ZNF107: variants seen among roughly 807,000 people sequenced by gnomAD.
The protein encoded by ZNF107 is zinc finger protein 107.
A neutral mutation model predicts 12.3 loss-of-function variants in ZNF107; 19 were observed. The ratio of observed to expected loss-of-function variants is 1.55; its 90% CI spans 1.08 to 2.27. ZNF107 has a LOEUF of 2.27. ZNF107 is among the 30% of genes most tolerant of loss of function. The pLI, the probability that ZNF107 is intolerant of heterozygous loss-of-function variation, is 0.00. For missense variants in ZNF107, 958 were observed against 979.9 expected, an observed-to-expected ratio of 0.98 and a Z score of 0.30; for synonymous variants, 317 against 330.5, an observed-to-expected ratio of 0.96 and a Z score of 0.44.
chr7:64,708,881 A>C lies in ZNF107; in HGVS notation c.*225A>C. 1 of 603,996 alleles carries C rather than the reference A, an allele frequency of 1.7e-6. No individual in the cohort carries two copies. The allele number at this position is 603,996 out of a possible 1,614,324, so 37.4% of individuals were successfully genotyped here. On this transcript the variant is annotated 3_prime_UTR_variant, in exon 4 of 4. Coordinates refer to ENST00000620827, the MANE Select transcript of ZNF107 (RefSeq NM_001282359.2). ...ATTCGTACTGGAGAGAATCCTACAA[A>C]TGTGAAAAATGTGGCAAATCCTTTA...
chr7:64,708,249 T>C lies in ZNF107; in HGVS notation c.2152T>C (p.Ser718Pro). The C allele has an allele frequency of 1.2e-6, 2 of 1,613,670 alleles. No individual in the cohort carries two copies. The highest frequency in any genetic ancestry group is 1.7e-5 in the Admixed American group (1 of 59,984). The change falls in exon 4 of 4, where the codon TCA (serine) becomes CCA (proline). Residue 718 changes from serine (S) to proline (P), a missense_variant. Ser to Pro is a moderately conservative substitution (Grantham distance 74, BLOSUM62 -1). Coordinates refer to ENST00000620827, the MANE Select transcript of ZNF107 (RefSeq NM_001282359.2). ...ATGTGGCAAAGCCTTTAACTGCTCC[T>C]CAACCCTTAATAGACATAAGATAAT... is the stretch of plus-strand genomic sequence containing the variant. ...AECGKAFNCS[S>P]TLNRHKIIHT...
intron 1 of ZNF107, among the ~76,000 whole-genome samples, chr7:64,675,755 C>T (rs1360686628): frequency 2.6e-5 from 4 of 152,172 alleles, no homozygotes; most frequent in Non-Finnish European, 5.9e-5. Context: ...TCCCTCTTAA[C>T]ACTGTGTCAG....
At chr7:64,681,834 A>G (rs541853671) in intron 1 of ZNF107, among the ~76,000 whole-genome samples, 2 of 152,132 alleles carry the variant, frequency 1.3e-5, no homozygotes, top group Non-Finnish European at 1.5e-5. Flanking sequence ...CATCCATTCT[A>G]TAGTGCCAAA....
At chr7:64,693,955 A>G (rs1446730161) in intron 3 of ZNF107, among the ~76,000 whole-genome samples, 2 of 151,976 alleles carry the variant, frequency 1.3e-5, no homozygotes, top group African/African-American at 4.8e-5. Context: ...CGCCTGGCTA[A>G]TTTTATATTT....
intron 1 of ZNF107, 134 bp downstream of exon 1, chr7:64,666,419 C>A: frequency 8.2e-7 from 1 of 1,218,260 alleles, no homozygotes; most frequent in Non-Finnish European, 1.1e-6. Context: ...GGCCCTCAGT[C>A]CCCCGCGGCC....
In ZNF107 at chr7:64,710,878, T is replaced by A. The variant is rs1246495369; in HGVS notation, c.*2222T>A. 6.6e-6 allele frequency: 1 copy of A among 152,132 alleles called. No homozygotes were observed. Among genetic ancestry groups the A allele is most frequent in the Admixed American group, 6.5e-5 (1 of 15,276 alleles). The allele number at this position is 152,132 out of a possible 1,614,324, so 9.4% of individuals were successfully genotyped here. On this transcript the variant is annotated 3_prime_UTR_variant, in exon 4 of 4. Transcript: ENST00000620827. Reference sequence around the variant, plus strand: ...TTTGTGTTTAACTTATAATATTGAGTGATCCATGAAGTAGGTTTTCAGAGC... The same window carrying A: ...TTTGTGTTTAACTTATAATATTGAGAGATCCATGAAGTAGGTTTTCAGAGC...
chr7:64,697,713 C>T lies in ZNF107; in HGVS notation c.226+5753C>T, dbSNP rs187323242. On this transcript the variant is annotated intron_variant, in intron 3 of 3. Transcript: ENST00000620827. The stretch of plus-strand genomic sequence containing the variant: ...TAGCATTTTTTTTTTTTTTTTGAGA[C>T]GGAGTCTCGCTTTGTCACCCAGGCT... 2.7e-3 allele frequency among the ~76,000 whole-genome samples: 381 copies of T among 142,826 alleles called. 3 individuals are homozygous for T. Among genetic ancestry groups the T allele is most frequent in the Middle Eastern group, 3.8e-3 (1 of 260 alleles). The allele number at this position is 142,826 out of a possible 152,430, so 93.7% of individuals were successfully genotyped here. A position where few individuals can be genotyped will look rare whatever the true frequency, so the allele number is the denominator to read the frequency against.
chr7:64,683,601 A>G (rs965496326), intron 1 of ZNF107, among the ~76,000 whole-genome samples: 2 of 152,124 alleles, frequency 1.3e-5, no homozygotes, highest in Non-Finnish European at 2.9e-5. Flanking sequence ...CACAAGCGCA[A>G]TCTATTCTCT....
In ZNF107 at chr7:64,707,382, G is replaced by T. The variant is rs1268717646; in HGVS notation, c.1285G>T (p.Glu429Ter). 6.2e-7 allele frequency: 1 copy of T among 1,613,370 alleles called. No homozygotes were observed. Among genetic ancestry groups the T allele is most frequent in the South Asian group, 1.1e-5 (1 of 91,058 alleles). Residue 429 changes from glutamate (E) to a stop codon, truncating the protein, a stop_gained, in exon 4 of 4, where the codon GAA becomes TAA. Coordinates refer to ENST00000620827, the MANE Select transcript of ZNF107 (RefSeq NM_001282359.2). LOFTEE classifies it low-confidence loss of function (END_TRUNC). ...TGGAGAGAAACCCTACAAATGTAAA[G>T]AATGTGGCAAAGCTTTTAACCAATC... is the stretch of plus-strand genomic sequence containing the variant. ...HTGEKPYKCK[E>*]CGKAFNQSSN...
chr7:64,703,240 A>G (rs1790533836), intron 3 of ZNF107, among the ~76,000 whole-genome samples: 2 of 152,244 alleles, frequency 1.3e-5, no homozygotes, highest in South Asian at 2.1e-4. Context: ...AGCAAAATCA[A>G]CTATGAATTA....
At chr7:64,679,362 A>G in intron 1 of ZNF107, 1 of 984,832 alleles carries the variant, frequency 1.0e-6, no homozygotes, top group Non-Finnish European at 1.2e-6. Context: ...CCTTTCTCAA[A>G]CTTTCCTTTT....
At chr7:64,674,555 G>A (rs553266171) in intron 1 of ZNF107, among the ~76,000 whole-genome samples, 1 of 152,296 alleles carries the variant, frequency 6.6e-6, no homozygotes, top group East Asian at 1.9e-4. Flanking sequence ...AACAGGGATA[G>A]TTTGACTTGT....
At position 64,706,432 on chromosome 7, in the gene ZNF107, A is replaced by G. The variant is rs754017811; in HGVS notation, c.335A>G (p.Gln112Arg). 9.3e-6 allele frequency: 15 copies of G among 1,613,714 alleles called. No individual in the cohort carries two copies. Among genetic ancestry groups the G allele is most frequent in the Non-Finnish European group, 1.2e-5 (14 of 1,179,742 alleles). Residue 112 changes from glutamine (Q) to arginine (R), a missense_variant, in exon 4 of 4, where the codon CAG becomes CGG. Coordinates refer to ENST00000620827, the MANE Select transcript of ZNF107 (RefSeq NM_001282359.2). Reference sequence around the variant, plus strand: ...GGAAAATGTGAATATGAGAATTTACAGTTAAGAAAAGGCTGTAAACATGTG... The same window carrying G: ...GGAAAATGTGAATATGAGAATTTACGGTTAAGAAAAGGCTGTAAACATGTG... ...RYGKCEYENLQLRKGCKHVDE... is the reference protein window; with the variant it reads ...RYGKCEYENLRLRKGCKHVDE...
At chr7:64,706,146 A>G (rs183141814) in intron 3 of ZNF107, among the ~76,000 whole-genome samples, 178 bp from the exon 4 acceptor site, 2 of 152,102 alleles carry the variant, frequency 1.3e-5, no homozygotes, top group Admixed American at 6.6e-5. Context: ...ATTTTCCACA[A>G]ATGTATTTTG....
Position 64,691,362 on chromosome 7 carries a change from C to A in ZNF107, c.118C>A (p.Leu40Met). The A allele has an allele frequency of 6.7e-7, 1 of 1,492,146 alleles. No homozygotes were observed. The highest frequency in any genetic ancestry group is 8.9e-7 in the Non-Finnish European group (1 of 1,122,314). The allele number at this position is 1,492,146 out of a possible 1,614,324, so 92.4% of individuals were successfully genotyped here. ...RNVLLENYRN[L>M]VFLGIAVSKP... ...TGTGTTGTTAGAGAACTACAGAAAC[C>A]TGGTCTTTTTGGGTGAGGATAACTT... Residue 40 changes from leucine to methionine, a missense_variant, in exon 2 of 4, where the codon CTG (leucine) becomes ATG (methionine). Coordinates refer to ENST00000620827, the MANE Select transcript of ZNF107 (RefSeq NM_001282359.2).
At chr7:64,695,860 T>G (rs1337691201) in intron 3 of ZNF107, among the ~76,000 whole-genome samples, 1 of 152,190 alleles carries the variant, frequency 6.6e-6, no homozygotes, top group Non-Finnish European at 1.5e-5. Flanking sequence ...TTCTATATTT[T>G]TTTCAGTTTT....
intron 1 of ZNF107, chr7:64,686,937 A>C: frequency 1.0e-6 from 1 of 985,450 alleles, no homozygotes; most frequent in South Asian, 4.7e-5. Context: ...ACACACTTAC[A>C]AAATTCTGCT....
At chr7:64,705,297 G>GT (rs540601649) in intron 3 of ZNF107, among the ~76,000 whole-genome samples, 10 of 150,862 alleles carry the variant, frequency 6.6e-5, no homozygotes, top group South Asian at 2.1e-4. Flanking sequence ...ATATTTTTAA[G>GT]TTTTTTTTGC....
rs569017455 is a variant in ZNF107, at chr7:64,679,886, C to T, written c.4-11362C>T. ...GGCATGTTTTACACTTCGGTCCCTC[C>T]CCAGCCCTTGTTCCCAATGCAATTT... On this transcript the variant is annotated intron_variant, in intron 1 of 3. Transcript: ENST00000620827. Among the ~76,000 whole-genome samples, 8 of 152,280 alleles carry T rather than the reference C, an allele frequency of 5.3e-5. No homozygotes were observed. In the South Asian group the frequency reaches 1.5e-3, roughly 28 times the overall value.
Sources: gnomAD v4.1 joint callset for allele counts (sites outside exome capture counted in the v4.1 genomes callset) on GRCh38, gnomAD v4.1.1 for gene constraint, MANE v1.5 for transcripts, NCBI Gene and HGNC (gene_info 2026-07-23, HGNC 2026-07-21) for gene names.